ZNF827: variants seen among roughly 807,000 people sequenced by gnomAD.
ZNF827 encodes zinc finger protein 827.
Under a neutral mutation model 102.4 loss-of-function variants are expected in ZNF827, and 13 were observed. That is an observed-to-expected ratio of 0.13 (90% CI 0.08 to 0.20). The LOEUF is 0.20. Among genes scored for constraint, ZNF827 ranks in the 10% least tolerant of loss-of-function variants. The probability of loss-of-function intolerance (pLI) is 1.00; values close to 1 mark genes in which losing one functional copy is unlikely to be tolerated. For missense variants in ZNF827, 1,103 were observed against 1,344.4 expected (o/e 0.82, Z 2.81); for synonymous variants, 523 against 536.2 (o/e 0.98, Z 0.34).
At position 145,761,232 on chromosome 4, in the gene ZNF827, G is replaced by A. The variant is rs779810120; in HGVS notation, c.*384C>T. On this transcript the variant is annotated 3_prime_UTR_variant, in exon 15 of 15. Transcript: ENST00000508784. This position sits in a 1 kb window ranked among gnomAD's most constrained non-coding sequence, Gnocchi z 6.8. ...TGACGTGGCGGCTGAAGACGAAAGG[G>A]TGTGTGGTCTTGAACAGGCACTCTT... 86 of 1,289,890 alleles carry A rather than the reference G, an allele frequency of 6.7e-5. 1 individual carries two copies. The highest frequency in any genetic ancestry group is 6.3e-4 in the South Asian group (51 of 81,032). The allele number at this position is 1,289,890 out of a possible 1,614,324, so 79.9% of individuals were successfully genotyped here.
In ZNF827 at chr4:145,878,617, A is replaced by C. The variant is rs188186619; in HGVS notation, c.1747+7061T>G. On this transcript the variant is annotated intron_variant, in intron 4 of 14. Coordinates refer to ENST00000508784, the MANE Select transcript of ZNF827 (RefSeq NM_001306215.2). ...CAGGACAGGACAGGAAAGGAAAGGA[A>C]AGGAAAGGAAAGGAAAGGAAAGGAA... Among the ~76,000 whole-genome samples the C allele has an allele frequency of 3.3e-3, 448 of 135,220 alleles. 1 individual carries two copies. Among genetic ancestry groups the C allele is most frequent in the African/African-American group, 0.012 (401 of 32,144 alleles). 88.7% of individuals were successfully genotyped at this position (135,220 alleles called of 152,430 possible).
intron 2 of ZNF827, among the ~76,000 whole-genome samples, chr4:145,897,870 T>TA (rs1264838793): frequency 1.3e-5 from 2 of 152,204 alleles, no homozygotes; most frequent in East Asian, 1.9e-4. Flanking sequence ...TATTGAGACT[T>TA]ATGGCCGGGT....
chr4:145,937,329 C>T (rs1442975768), intron 1 of ZNF827, among the ~76,000 whole-genome samples: 1 of 151,916 alleles, frequency 6.6e-6, no homozygotes, highest in Admixed American at 6.5e-5. Flanking sequence ...CACTTTAGTC[C>T]TGGACTCTGC....
At chr4:145,833,851 T>C (rs909417555) in intron 7 of ZNF827, among the ~76,000 whole-genome samples, 1 of 151,780 alleles carries the variant, frequency 6.6e-6, no homozygotes, top group African/African-American at 2.4e-5. Context: ...CTTATTTCCA[T>C]GCCCTGACCT....
chr4:145,849,217 T>TA (rs1746280717), intron 6 of ZNF827, 105 bp downstream of exon 6: 5 of 1,415,540 alleles, frequency 3.5e-6, no homozygotes, highest in Non-Finnish European at 2.8e-6. Context: ...GATTTCTGTC[T>TA]AAAAAATCCT....
At chr4:145,872,466 C>T (rs1748781674) in intron 4 of ZNF827, among the ~76,000 whole-genome samples, 1 of 152,216 alleles carries the variant, frequency 6.6e-6, no homozygotes, top group African/African-American at 2.4e-5. Flanking sequence ...AGGCTTCCAG[C>T]CTCCAGAAGA....
chr4:145,833,812 C>T (rs184212983), intron 7 of ZNF827, among the ~76,000 whole-genome samples: 1 of 151,922 alleles, frequency 6.6e-6, no homozygotes, highest in African/African-American at 2.4e-5. Context: ...TATTTCCATG[C>T]CCCGACCTCT....
chr4:145,762,944 C>T lies in ZNF827; in HGVS notation c.*17+146G>A. The T allele has an allele frequency of 1.4e-6, 1 of 726,824 alleles. No individual in the cohort carries two copies. The highest frequency in any genetic ancestry group is 1.9e-5 in the South Asian group (1 of 53,346). The allele number at this position is 726,824 out of a possible 1,614,324, so 45.0% of individuals were successfully genotyped here. A position where few individuals can be genotyped will look rare whatever the true frequency, so the allele number is the denominator to read the frequency against. ...AGGTGTTCAGCAGAGCCCAACACAA[C>T]CAAGTGCACCGTGCACGGCCTCCTC... On this transcript the variant is annotated intron_variant, in intron 14 of 14. Coordinates refer to ENST00000508784, the MANE Select transcript of ZNF827 (RefSeq NM_001306215.2). The surrounding 1 kb of genome is among the most constrained non-coding windows in gnomAD (Gnocchi z 4.9).
chr4:145,792,514 G>C (rs1739845218), intron 8 of ZNF827, among the ~76,000 whole-genome samples: 1 of 151,024 alleles, frequency 6.6e-6, no homozygotes, highest in South Asian at 2.1e-4. Context: ...ATATCCAAAA[G>C]CCTAGGAATA....
chr4:145,889,084 A>ATT (rs1750376931), intron 3 of ZNF827, among the ~76,000 whole-genome samples: 1 of 152,200 alleles, frequency 6.6e-6, no homozygotes, highest in South Asian at 2.1e-4. Context: ...GATAATGGTT[A>ATT]TTTATCATTC....
intron 2 of ZNF827, among the ~76,000 whole-genome samples, chr4:145,897,647 G>A (rs1751082311): frequency 1.3e-5 from 2 of 152,308 alleles, no homozygotes; most frequent in Non-Finnish European, 2.9e-5. Flanking sequence ...AGCAATGGAT[G>A]TCCCTGGGTT....
intron 1 of ZNF827, among the ~76,000 whole-genome samples, chr4:145,920,069 G>A (rs1481042910): frequency 6.6e-6 from 1 of 152,276 alleles, no homozygotes; most frequent in African/African-American, 2.4e-5. Context: ...AGGTAAATTA[G>A]CATTACATAA....
intron 10 of ZNF827, among the ~76,000 whole-genome samples, chr4:145,775,116 A>G (rs887401123): frequency 6.6e-6 from 1 of 152,094 alleles, no homozygotes; most frequent in African/African-American, 2.4e-5. Context: ...CAATGAAAGC[A>G]CCTACAGTTT....
rs1005941903 is a variant in ZNF827, at chr4:145,762,582, G to A, written c.*17+508C>T. Among the ~76,000 whole-genome samples, 9 of 152,264 alleles carry A rather than the reference G, an allele frequency of 5.9e-5. No individual in the cohort carries two copies. Among genetic ancestry groups the A allele is most frequent in the Middle Eastern group, 6.8e-3 (2 of 294 alleles). ...TTAGGTAGATTCTGGAAGGGCGGAT[G>A]CTGGTCCCAGCTCCATCACCTTGTC... On this transcript the variant is annotated intron_variant, in intron 14 of 14. Coordinates refer to ENST00000508784, the MANE Select transcript of ZNF827 (RefSeq NM_001306215.2). This position sits in a 1 kb window ranked among gnomAD's most constrained non-coding sequence, Gnocchi z 4.9.
At chr4:145,797,914 A>G (rs1408170711) in intron 8 of ZNF827, among the ~76,000 whole-genome samples, 1 of 152,208 alleles carries the variant, frequency 6.6e-6, no homozygotes, top group Non-Finnish European at 1.5e-5. Context: ...TCATTTCCAT[A>G]TGATTATATG....
intron 8 of ZNF827, among the ~76,000 whole-genome samples, chr4:145,782,446 A>G (rs1468801086): frequency 6.6e-6 from 1 of 152,142 alleles, no homozygotes; most frequent in Non-Finnish European, 1.5e-5. Flanking sequence ...CCATGTGAGA[A>G]ACTTTGGAAT....
chr4:145,910,095 G>T (rs766469600), intron 1 of ZNF827, among the ~76,000 whole-genome samples: 7 of 152,180 alleles, frequency 4.6e-5, no homozygotes, highest in African/African-American at 1.7e-4. Flanking sequence ...TGCTGCAAAG[G>T]CATGAGGAAG....
chr4:145,907,144 A>G (rs1751933565), intron 1 of ZNF827: 1 of 456,198 alleles, frequency 2.2e-6, no homozygotes, highest in South Asian at 1.6e-5. Context: ...GAAAAATTAT[A>G]AGAAGCTCAA....
chr4:145,794,839 C>T (rs1403379090), intron 8 of ZNF827, among the ~76,000 whole-genome samples: 1 of 152,198 alleles, frequency 6.6e-6, no homozygotes, highest in Non-Finnish European at 1.5e-5. Flanking sequence ...CAAAACACTG[C>T]ATAACACCAT....
Sources: allele counts gnomAD v4.1 joint callset (sites outside exome capture counted in the v4.1 genomes callset), GRCh38; gene constraint gnomAD v4.1.1; non-coding constraint Gnocchi (gnomAD v3.1); transcripts MANE v1.5; gene names NCBI Gene and HGNC (gene_info 2026-07-23, HGNC 2026-07-21).